Variants in MACROD2 observed in about 807,000 individuals in gnomAD.
MACROD2 encodes mono-ADP ribosylhydrolase 2, also known as ADP-ribose glycohydrolase MACROD2.
MACROD2 carries 36 observed loss-of-function variants against 70.4 expected under a neutral mutation model. That is an observed-to-expected ratio of 0.51 (90% CI 0.39 to 0.68). The LOEUF is 0.68. Ranked by LOEUF, MACROD2 falls within the 30% of genes least tolerant of loss-of-function variation. The pLI, the probability that MACROD2 is intolerant of heterozygous loss-of-function variation, is 0.00. For missense variants in MACROD2, 496 were observed against 538.4 expected, an observed-to-expected ratio of 0.92 and a Z score of 0.78; for synonymous variants, 172 against 178.8, an observed-to-expected ratio of 0.96 and a Z score of 0.30.
At chr20:15,440,255 T>C (rs1254052248) in intron 7 of MACROD2, among the ~76,000 whole-genome samples, 1 of 152,160 alleles carries the variant, frequency 6.6e-6, no homozygotes, top group Non-Finnish European at 1.5e-5. Flanking sequence ...ACGTGGCATA[T>C]GTAGAGAGGA....
chr20:14,199,614 G>T (rs1045446650), intron 3 of MACROD2, among the ~76,000 whole-genome samples: 1 of 152,024 alleles, frequency 6.6e-6, no homozygotes, highest in Non-Finnish European at 1.5e-5. Context: ...GTTGTGGGTT[G>T]TTTGGTAGGT....
At chr20:15,499,541 A>C (rs2047339200) in intron 7 of MACROD2, among the ~76,000 whole-genome samples, 1 of 152,200 alleles carries the variant, frequency 6.6e-6, no homozygotes, top group South Asian at 2.1e-4. Flanking sequence ...GACACAATTA[A>C]ATTATTTATT....
At chr20:14,332,211 T>G (rs1292350619) in intron 3 of MACROD2, among the ~76,000 whole-genome samples, 1 of 152,114 alleles carries the variant, frequency 6.6e-6, no homozygotes, top group African/African-American at 2.4e-5. Context: ...TGGGGTTTTT[T>G]TGCATTTATA....
At chr20:14,842,232 G>A (rs538203845) in intron 5 of MACROD2, among the ~76,000 whole-genome samples, 1 of 152,106 alleles carries the variant, frequency 6.6e-6, no homozygotes, top group South Asian at 2.1e-4. Context: ...CCACTCTCAT[G>A]ATAACAGCCT....
intron 5 of MACROD2, among the ~76,000 whole-genome samples, chr20:14,765,914 G>A (rs1376448953): frequency 6.6e-6 from 1 of 151,946 alleles, no homozygotes; most frequent in African/African-American, 2.4e-5. Flanking sequence ...AGACTTAAAG[G>A]ACTTGCTCAC....
At chr20:15,276,656 A>G (rs1482003842) in intron 6 of MACROD2, among the ~76,000 whole-genome samples, 2 of 152,116 alleles carry the variant, frequency 1.3e-5, no homozygotes, top group African/African-American at 2.4e-5. Flanking sequence ...CCTACTCTCT[A>G]TGGTGTATTT....
chr20:15,458,752 G>A (rs1053274257), intron 7 of MACROD2, among the ~76,000 whole-genome samples: 15 of 151,792 alleles, frequency 9.9e-5, no homozygotes, highest in African/African-American at 3.4e-4. Flanking sequence ...TATTTCCAGA[G>A]TTTCTGCCTC....
chr20:14,849,903 G>A, intron 5 of MACROD2: 1 of 491,116 alleles, frequency 2.0e-6, no homozygotes, highest in Non-Finnish European at 4.0e-6. Context: ...TTTCATCGTA[G>A]CAAATTTGGA....
At chr20:14,179,997 T>G (rs2081293438) in intron 3 of MACROD2, among the ~76,000 whole-genome samples, 1 of 152,210 alleles carries the variant, frequency 6.6e-6, no homozygotes. Context: ...ATTTACATTG[T>G]TGCATAACCA....
intron 3 of MACROD2, among the ~76,000 whole-genome samples, chr20:14,307,521 A>G (rs1268339918): frequency 6.6e-6 from 1 of 152,136 alleles, no homozygotes; most frequent in Non-Finnish European, 1.5e-5. Context: ...GTCTAAAATA[A>G]CAATTGTAGA....
intron 5 of MACROD2, among the ~76,000 whole-genome samples, chr20:15,207,462 G>C (rs57859726): frequency 9.9e-6 from 1 of 101,098 alleles, no homozygotes; most frequent in South Asian, 3.3e-4. Context: ...TTTTTTCAGA[G>C]ATGGAGTCTC....
intron 3 of MACROD2, among the ~76,000 whole-genome samples, chr20:14,191,664 A>T (rs1424243223): frequency 6.6e-6 from 1 of 152,214 alleles, no homozygotes; most frequent in Non-Finnish European, 1.5e-5. Context: ...TCCTGAGAAG[A>T]TGGCACTTGA....
At chr20:15,762,285 G>T (rs2051448466) in intron 8 of MACROD2, among the ~76,000 whole-genome samples, 1 of 152,202 alleles carries the variant, frequency 6.6e-6, no homozygotes, top group Non-Finnish European at 1.5e-5. Context: ...CACGTGGAAA[G>T]TAAGGACAAG....
chr20:14,950,393 A>G (rs1730379949), intron 5 of MACROD2, among the ~76,000 whole-genome samples: 1 of 152,130 alleles, frequency 6.6e-6, no homozygotes, highest in Non-Finnish European at 1.5e-5. Context: ...TAAGGGAATG[A>G]CCAAATTAGA....
At chr20:14,817,278 A>C (rs907758925) in intron 5 of MACROD2, among the ~76,000 whole-genome samples, 1 of 152,132 alleles carries the variant, frequency 6.6e-6, no homozygotes, top group Admixed American at 6.6e-5. Flanking sequence ...GCTTGAAGAA[A>C]CATTTCATGG....
At chr20:16,015,378 C>G (rs1395004052) in intron 15 of MACROD2, among the ~76,000 whole-genome samples, 1 of 152,020 alleles carries the variant, frequency 6.6e-6, no homozygotes, top group African/African-American at 2.4e-5. Context: ...TTGGAGGTCC[C>G]CACCCAATTG....
rs186019671 is a variant in MACROD2, at chr20:14,733,931, C to A, written c.418+48972C>A. Among the ~76,000 whole-genome samples the A allele has an allele frequency of 2.0e-3, 300 of 152,238 alleles. 1 individual carries two copies. The highest frequency in any genetic ancestry group is 6.9e-3 in the African/African-American group (287 of 41,530). The stretch of plus-strand genomic sequence containing the variant: ...GCTTAACCTCTTAATGCCTTAGTTT[C>A]CCCATTTGTATATTGAGGATAATCG... On this transcript the variant is annotated intron_variant, in intron 5 of 17. Coordinates refer to ENST00000684519, the MANE Select transcript of MACROD2 (RefSeq NM_001351661.2).
chr20:16,043,050 T>C (rs964735130), intron 16 of MACROD2, among the ~76,000 whole-genome samples: 1 of 152,114 alleles, frequency 6.6e-6, no homozygotes, highest in African/African-American at 2.4e-5. Context: ...CAGTGGTTAC[T>C]TATTCAAAGG....
Position 15,135,856 on chromosome 20 carries a change from C to T in MACROD2, c.419-94084C>T, listed in dbSNP as rs550684777. Among the ~76,000 whole-genome samples the T allele has an allele frequency of 4.8e-4, 73 of 151,390 alleles. 2 individuals carry two copies. The South Asian group carries it at 0.015, about 31-fold the overall frequency. On this transcript the variant is annotated intron_variant, in intron 5 of 17. Coordinates refer to ENST00000684519, the MANE Select transcript of MACROD2 (RefSeq NM_001351661.2). ...AAAATCTCCTTAAGCTGATAAGCAA[C>T]TTCAGCAAAGTCTCAGGATACAAAA...
Sources: gnomAD v4.1 joint callset for allele counts (sites outside exome capture counted in the v4.1 genomes callset) on GRCh38, gnomAD v4.1.1 for gene constraint, MANE v1.5 for transcripts, NCBI Gene and HGNC (gene_info 2026-07-23, HGNC 2026-07-21) for gene names.